Variants in LYST observed in about 807,000 individuals in gnomAD.
The protein encoded by LYST is lysosomal-trafficking regulator.
In LYST, 192 loss-of-function variants were observed where a neutral mutation model predicts 413.6. The observed-to-expected ratio is 0.46, with a 90% CI of 0.41 to 0.52. The LOEUF (loss-of-function observed/expected upper bound fraction) is 0.52. Among genes scored for constraint, LYST ranks in the 20% least tolerant of loss-of-function variants. LYST has a pLI of 0.00. For synonymous variants in LYST, 1,525 were observed against 1,567.3 expected (o/e 0.97, Z 0.64); for missense variants, 3,815 against 4,499.9 (o/e 0.85, Z 4.35).
chr1:235,858,278 T>A (rs2103142272), intron 1 of LYST, among the ~76,000 whole-genome samples: 1 of 152,324 alleles, frequency 6.6e-6, no homozygotes, highest in African/African-American at 2.4e-5. Context: ...GAGCTCCAGT[T>A]TCCTCATCTG....
At chr1:235,688,984 AAATAATAATAAT>A (rs35849101) in intron 47 of LYST, among the ~76,000 whole-genome samples, 5,385 of 135,850 alleles carry the variant, frequency 0.04, 314 homozygotes, top group African/African-American at 0.14. Context: ...ACTCCGTCTC[AAATAATAATAAT>A]AATAATAATA....
At chr1:235,830,159 A>G in intron 3 of LYST, 67 bp downstream of exon 3, 1 of 1,260,570 alleles carries the variant, frequency 7.9e-7, no homozygotes, top group Non-Finnish European at 1.2e-6. Flanking sequence ...TATGTAATCC[A>G]AAACCATGTA....
intron 44 of LYST, among the ~76,000 whole-genome samples, chr1:235,705,100 C>T (rs529398835): frequency 6.6e-6 from 1 of 152,252 alleles, no homozygotes; most frequent in South Asian, 2.1e-4. Flanking sequence ...TTATTATTCA[C>T]ATTTGACAAG....
chr1:235,826,214 A>G (rs1675318451), intron 3 of LYST, among the ~76,000 whole-genome samples: 1 of 152,238 alleles, frequency 6.6e-6, no homozygotes, highest in African/African-American at 2.4e-5. Context: ...CTACTTTGCA[A>G]AACAGTTGGG....
In LYST at chr1:235,857,784, C is replaced by CACACATAT. The variant is rs145820873; in HGVS notation, c.-98+9058_-98+9059insATATGTGT. Among the ~76,000 whole-genome samples, 778 of 122,066 alleles carry CACACATAT rather than the reference C, an allele frequency of 6.4e-3. 11 individuals are homozygous for CACACATAT. The highest frequency in any genetic ancestry group is 0.018 in the Middle Eastern group (4 of 220). The allele number at this position is 122,066 out of a possible 152,430, so 80.1% of individuals were successfully genotyped here. On this transcript the variant is annotated intron_variant, in intron 1 of 52. Transcript: ENST00000389793. ...ACACACACACACACACACACACACACATATATATATAAAATTTCACAAGCC... is the reference window on the plus strand; with the variant it reads ...ACACACACACACACACACACACACACACACATATATATATATATAAAATTTCACAAGCC...
At position 235,793,627 on chromosome 1, in the gene LYST, G is replaced by A; in HGVS notation, c.4007-15C>T. The stretch of plus-strand genomic sequence containing the variant: ...TCTCTGGCATGCTAAATTAAAGAAA[G>A]AGGGAAAAAATTAAAGCTAGTACAC... On this transcript the variant is annotated splice_polypyrimidine_tract_variant and intron_variant, in intron 10 of 52. Transcript: ENST00000389793. 7.0e-7 allele frequency: 1 copy of A among 1,419,766 alleles called. No individual in the cohort carries two copies. The highest frequency in any genetic ancestry group is 9.9e-7 in the Non-Finnish European group (1 of 1,005,054). 87.9% of individuals were successfully genotyped at this position (1,419,766 alleles called of 1,614,324 possible).
rs1281844680 is a variant in LYST at position 235,715,262 on chromosome 1, G to T, written c.9723C>A (p.Gly3241=). The stretch of plus-strand genomic sequence containing the variant: ...TCCTGACCAGGAAGTGAAGCACAGT[G>T]CCGCTATTGGAATAGTGGGAGCCAT... The part of the protein sequence containing the change: ...YHYGSHYSNS[G]TVLHFLVRMP... The change falls in exon 42 of 53, where the codon GGC becomes GGA. Residue 3241 remains glycine (G), a synonymous_variant. Coordinates refer to ENST00000389793, the MANE Select transcript of LYST (RefSeq NM_000081.4). 1 of 1,613,898 alleles carries T rather than the reference G, an allele frequency of 6.2e-7. No homozygotes were observed. Among genetic ancestry groups the T allele is most frequent in the Admixed American group, 1.7e-5 (1 of 60,006 alleles).
intron 3 of LYST, chr1:235,829,773 A>T (rs1675746147): frequency 6.4e-6 from 1 of 157,064 alleles, no homozygotes; most frequent in Non-Finnish European, 1.4e-5. Flanking sequence ...AGATGTATAC[A>T]AGCTAAAGGA....
At chr1:235,740,063 C>T (rs187308285) in intron 31 of LYST, among the ~76,000 whole-genome samples, 1 of 152,220 alleles carries the variant, frequency 6.6e-6, no homozygotes, top group East Asian at 1.9e-4. Flanking sequence ...TCAAATTCTC[C>T]ACAGAAGGAA....
intron 3 of LYST, chr1:235,828,712 G>A (rs577926206): frequency 2.3e-6 from 2 of 882,194 alleles, no homozygotes; most frequent in South Asian, 5.2e-5. Context: ...AGAAGACAAA[G>A]CATTGAATTT....
chr1:235,863,474 A>T (rs1016512297), intron 1 of LYST, among the ~76,000 whole-genome samples: 2 of 151,228 alleles, frequency 1.3e-5, no homozygotes, highest in Non-Finnish European at 1.5e-5. Flanking sequence ...AAAAAAAAAA[A>T]TGTTGAACTT....
At chr1:235,688,774 G>A (rs1045793702) in intron 47 of LYST, among the ~76,000 whole-genome samples, 4 of 151,900 alleles carry the variant, frequency 2.6e-5, no homozygotes, top group African/African-American at 7.3e-5. Flanking sequence ...CATGAGGTCA[G>A]GAGATCGAGA....
chr1:235,851,798 TG>T (rs1466014008), intron 1 of LYST, among the ~76,000 whole-genome samples: 2 of 152,122 alleles, frequency 1.3e-5, no homozygotes, highest in African/African-American at 4.8e-5. Context: ...AAATTCCTCT[TG>T]GAATTTAAAA....
intron 1 of LYST, among the ~76,000 whole-genome samples, chr1:235,855,766 G>A (rs1212972158): frequency 6.6e-6 from 1 of 152,048 alleles, no homozygotes. Flanking sequence ...ACTGAACACA[G>A]ATATTTATAA....
At position 235,854,550 on chromosome 1, in the gene LYST, T is replaced by A. The variant is rs1678941688; in HGVS notation, c.-98+12293A>T. On this transcript the variant is annotated intron_variant, in intron 1 of 52. Transcript: ENST00000389793. This position sits in a 1 kb window ranked among gnomAD's most constrained non-coding sequence, Gnocchi z 4.1. ...GACCACTTACTGGTTCACCTCTGCATCTGCTGCTCTATGACCTTGGGTACT... is the reference window on the plus strand; with the variant it reads ...GACCACTTACTGGTTCACCTCTGCAACTGCTGCTCTATGACCTTGGGTACT... 6.6e-6 allele frequency among the ~76,000 whole-genome samples: 1 copy of A among 152,190 alleles called. No homozygotes were observed. The highest frequency in any genetic ancestry group is 6.5e-5 in the Admixed American group (1 of 15,272).
At chr1:235,670,038 TG>T (rs1658804123) in intron 50 of LYST, among the ~76,000 whole-genome samples, 1 of 152,146 alleles carries the variant, frequency 6.6e-6, no homozygotes, top group Non-Finnish European at 1.5e-5. Flanking sequence ...AAAGCTCCCT[TG>T]GTCTTTCTTG....
intron 3 of LYST, among the ~76,000 whole-genome samples, chr1:235,817,226 C>T (rs1674239445): frequency 6.6e-6 from 1 of 151,410 alleles, no homozygotes; most frequent in Non-Finnish European, 1.5e-5. Context: ...AAAAAAAAAA[C>T]ATGCTGGTGA....
At chr1:235,859,814 G>A (rs1297360106) in intron 1 of LYST, among the ~76,000 whole-genome samples, 3 of 152,042 alleles carry the variant, frequency 2.0e-5, no homozygotes, top group Non-Finnish European at 1.5e-5. Context: ...CATCTTACAC[G>A]AATTGAAAGG....
In LYST at chr1:235,809,021, A is replaced by G. The variant is rs1558281797; in HGVS notation, c.1797T>C (p.Phe599=). 1.9e-6 allele frequency: 3 copies of G among 1,614,078 alleles called. No individual in the cohort carries two copies. Among genetic ancestry groups the G allele is most frequent in the Non-Finnish European group, 2.5e-6 (3 of 1,179,918 alleles). Residue 599 remains phenylalanine (F), a synonymous_variant, in exon 5 of 53, where the codon TTT becomes TTC. Transcript: ENST00000389793. The surrounding 1 kb of genome is among the most constrained non-coding windows in gnomAD (Gnocchi z 4.0). ...KSVIIPLLHA[F]KLPALKNFQQ... ...GAAAATTTTTCAGTGCTGGCAATTT[A>G]AAAGCATGGAGCAAAGGAATGATTA...
Sources: allele counts gnomAD v4.1 joint callset (sites outside exome capture counted in the v4.1 genomes callset), GRCh38; gene constraint gnomAD v4.1.1; non-coding constraint Gnocchi (gnomAD v3.1); transcripts MANE v1.5; gene names NCBI Gene and HGNC (gene_info 2026-07-23, HGNC 2026-07-21).